Variants in RHOBTB2 observed in about 807,000 individuals in gnomAD.
RHOBTB2 encodes rho-related BTB domain-containing protein 2.
Under a neutral mutation model 66.5 loss-of-function variants are expected in RHOBTB2, and 39 were observed. That is an observed-to-expected ratio of 0.59 (90% CI 0.45 to 0.77). The LOEUF (loss-of-function observed/expected upper bound fraction) is 0.77. Among genes scored for constraint, RHOBTB2 ranks in the 30% least tolerant of loss-of-function variants. The pLI, the probability that RHOBTB2 is intolerant of heterozygous loss-of-function variation, is 0.00. For synonymous variants in RHOBTB2, 390 were observed against 395.0 expected, an observed-to-expected ratio of 0.99 and a Z score of 0.15; for missense variants, 755 against 999.1, an observed-to-expected ratio of 0.76 and a Z score of 3.29.
chr8:22,963,708 T>C, the RHOBTB2 span, among the ~76,000 whole-genome samples: 3 of 152,146 alleles, frequency 2.0e-5, no homozygotes, highest in Admixed American at 6.6e-5. Flanking sequence ...AGTCACATCT[T>C]ACATGGATGG....
the RHOBTB2 span, among the ~76,000 whole-genome samples, chr8:22,972,249 A>C: frequency 1.9e-4 from 29 of 152,344 alleles, no homozygotes; most frequent in Non-Finnish European, 4.0e-4. Flanking sequence ...CTCATGAAAA[A>C]GTTTTCATTT....
the RHOBTB2 span, among the ~76,000 whole-genome samples, chr8:22,956,648 C>T: frequency 6.6e-6 from 1 of 152,108 alleles, no homozygotes; most frequent in Non-Finnish European, 1.5e-5. Context: ...TACTCAATCT[C>T]CAGGTTTTGT....
At chr8:23,014,538 G>T in intron 7 of RHOBTB2, 152 bp from the exon 8 acceptor site, 1 of 627,024 alleles carries the variant, frequency 1.6e-6, no homozygotes. Context: ...CCTGGTGGCA[G>T]CAGACGTCAT....
Position 23,007,490 on chromosome 8 carries a change from G to A in RHOBTB2, c.1245G>A (p.Val415=). 6.2e-7 allele frequency: 1 copy of A among 1,614,196 alleles called. No individual in the cohort carries two copies. Among genetic ancestry groups the A allele is most frequent in the Non-Finnish European group, 8.5e-7 (1 of 1,180,032 alleles). Reference sequence around the variant, plus strand: ...ACAAATCCCGGCTGATGGTGGTGGTGAAGATGGACAGTTCCATCCAGCCGG... The same window carrying A: ...ACAAATCCCGGCTGATGGTGGTGGTAAAGATGGACAGTTCCATCCAGCCGG... ...LTYKSRLMVV[V]KMDSSIQPGP... The change falls in exon 5 of 10, where the codon GTG becomes GTA. Residue 415 remains valine, a synonymous_variant. Transcript: ENST00000251822.
At chr8:23,013,656 C>T (rs1585196193) in intron 7 of RHOBTB2, among the ~76,000 whole-genome samples, 1 of 151,826 alleles carries the variant, frequency 6.6e-6, no homozygotes, top group African/African-American at 2.4e-5. Context: ...CCAACACACC[C>T]GGCTAATTTT....
At position 23,019,096 on chromosome 8, in the gene RHOBTB2, G is replaced by C. The variant is rs1050789673; in HGVS notation, c.*1627G>C. 1 of 152,388 alleles carries C rather than the reference G, an allele frequency of 6.6e-6. No homozygotes were observed. The highest frequency in any genetic ancestry group is 1.5e-5 in the Non-Finnish European group (1 of 68,156). 9.4% of individuals were successfully genotyped at this position (152,388 alleles called of 1,614,324 possible). ...AGGGGCAGAGCCAGGAGGCAGTGGGGCTGTGGGCTCAGAGCTCAGGAGTCG... is the reference window on the plus strand; with the variant it reads ...AGGGGCAGAGCCAGGAGGCAGTGGGCCTGTGGGCTCAGAGCTCAGGAGTCG... On this transcript the variant is annotated 3_prime_UTR_variant, in exon 10 of 10. Coordinates refer to ENST00000251822, the MANE Select transcript of RHOBTB2 (RefSeq NM_015178.3).
chr8:22,954,770 A>C, the RHOBTB2 span, among the ~76,000 whole-genome samples: 1 of 152,232 alleles, frequency 6.6e-6, no homozygotes, highest in East Asian at 1.9e-4. Context: ...CAGAAAAAAA[A>C]CCACAAACTG....
At chr8:23,014,949 G>A (rs1039768365) in intron 8 of RHOBTB2, among the ~76,000 whole-genome samples, 171 bp downstream of exon 8, 8 of 152,164 alleles carry the variant, frequency 5.3e-5, no homozygotes, top group Non-Finnish European at 1.2e-4. Context: ...AAGCAGCTGG[G>A]GAACTCCCTG....
chr8:23,007,168 C>T lies in RHOBTB2; in HGVS notation c.923C>T (p.Pro308Leu), dbSNP rs1563291839. ...CTGAGTGAGGGGGAGCTGGGGGGCC[C>T]CTCGGAGCCAGGGGGCACCCACCCA... The part of the protein sequence containing the change: ...MDLSEGELGG[P>L]SEPGGTHPED... The change falls in exon 5 of 10, where the codon CCC becomes CTC. Residue 308 changes from proline to leucine, a missense_variant. Physicochemically the swap from Pro to Leu is moderately conservative, Grantham distance 98. Around this residue, in one of 7 missense-constraint regions of RHOBTB2, gnomAD observed 247 missense variants for 238.9 expected, o/e 1.03. Transcript: ENST00000251822. 6.2e-7 allele frequency: 1 copy of T among 1,604,606 alleles called. No homozygotes were observed. Among genetic ancestry groups the T allele is most frequent in the South Asian group, 1.1e-5 (1 of 90,712 alleles).
chr8:22,978,790 T>A, the RHOBTB2 span, among the ~76,000 whole-genome samples: 1 of 152,234 alleles, frequency 6.6e-6, no homozygotes, highest in East Asian at 1.9e-4. Context: ...GCAAAAAACA[T>A]ATAACAGTAT....
chr8:22,967,195 G>A, the RHOBTB2 span, among the ~76,000 whole-genome samples: 2 of 152,120 alleles, frequency 1.3e-5, no homozygotes, highest in South Asian at 2.1e-4. Flanking sequence ...TAAATAAAAT[G>A]TCATATACAC....
chr8:23,003,989 A>C, intron 1 of RHOBTB2: 1 of 255,458 alleles, frequency 3.9e-6, no homozygotes, highest in Non-Finnish European at 7.8e-6. Flanking sequence ...CATGCTGGGA[A>C]GGGGTGGGGA....
chr8:23,006,079 G>A lies in RHOBTB2; in HGVS notation c.416G>A (p.Gly139Asp), dbSNP rs1415226399. Residue 139 changes from glycine to aspartate, a missense_variant, in exon 4 of 10, where the codon GGC becomes GAC. By Grantham distance (94) the Gly-to-Asp change is moderately conservative (BLOSUM62 -1). Transcript: ENST00000251822. The surrounding 1 kb of genome is among the most constrained non-coding windows in gnomAD (Gnocchi z 6.1). ...FCPRAPVILV[G>D]CQLDLRYADL... ...CCCCGAGCACCTGTCATCTTGGTGG[G>A]CTGCCAGTTGGACCTGCGCTACGCT... is the stretch of plus-strand genomic sequence containing the variant. 2 of 1,613,646 alleles carry A rather than the reference G, an allele frequency of 1.2e-6. No individual in the cohort carries two copies. Among genetic ancestry groups the A allele is most frequent in the East Asian group, 4.5e-5 (2 of 44,852 alleles).
At chr8:23,005,530 C>A in intron 3 of RHOBTB2, 55 bp downstream of exon 3, 1 of 1,180,056 alleles carries the variant, frequency 8.5e-7, no homozygotes, top group Non-Finnish European at 1.3e-6. Flanking sequence ...TTTTTCCCTG[C>A]TTTTCCCAGG....
upstream of RHOBTB2, among the ~76,000 whole-genome samples, chr8:22,987,173 C>T (rs1477703577): frequency 6.6e-6 from 1 of 152,226 alleles, no homozygotes; most frequent in Non-Finnish European, 1.5e-5. Context: ...CAGGCCAGGA[C>T]AATAAGAGCA....
intron 2 of RHOBTB2, among the ~76,000 whole-genome samples, chr8:23,005,140 T>A (rs1810908748): frequency 6.6e-6 from 1 of 152,124 alleles, no homozygotes; most frequent in African/African-American, 2.4e-5. Context: ...TCCACCTGCT[T>A]AGGGTCTCTT....
chr8:22,984,957 T>A (rs1195859092), upstream of RHOBTB2: 2 of 88,330 alleles, frequency 2.3e-5, no homozygotes, highest in Non-Finnish European at 5.5e-5. Flanking sequence ...TGTTTTCAGT[T>A]TAGGAAAAAA....
chr8:23,015,504 C>T (rs553079065), intron 8 of RHOBTB2, 134 bp from the exon 9 acceptor site: 16 of 617,390 alleles, frequency 2.6e-5, no homozygotes, highest in East Asian at 1.7e-4. Context: ...TTGCCTCTGG[C>T]GCAGGCTCTC....
chr8:22,964,112 G>GT, the RHOBTB2 span, among the ~76,000 whole-genome samples: 68 of 151,748 alleles, frequency 4.5e-4, no homozygotes, highest in South Asian at 4.4e-3. Context: ...TTTTTGTTTT[G>GT]TTTTTTTGTT....
Sources: gnomAD v4.1 joint callset for allele counts (sites outside exome capture counted in the v4.1 genomes callset) on GRCh38, gnomAD v4.1.1 for gene constraint, gnomAD v4.1.1 regional missense constraint, Gnocchi (gnomAD v3.1) non-coding constraint, MANE v1.5 for transcripts, NCBI Gene and HGNC (gene_info 2026-07-23, HGNC 2026-07-21) for gene names.